The following GREM2 variants were observed in gnomAD, a reference collection of about 807,000 sequenced individuals.
The protein encoded by GREM2 is gremlin 2, DAN family BMP antagonist, also known as gremlin-2.
In GREM2, 11 loss-of-function variants were observed where a neutral mutation model predicts 14.2. The ratio of observed to expected loss-of-function variants is 0.78; its 90% CI spans 0.49 to 1.28. The LOEUF (loss-of-function observed/expected upper bound fraction) is 1.28. Among genes scored for constraint, GREM2 ranks in the 50% most tolerant of loss-of-function variants. GREM2 has a pLI of 0.00. For synonymous variants in GREM2, 98 were observed against 97.6 expected (o/e 1.00, Z -0.02); for missense variants, 210 against 218.5 (o/e 0.96, Z 0.24).
Position 240,594,694 on chromosome 1 carries a change from A to G in GREM2, c.-2+17190T>C, listed in dbSNP as rs370222583. 2.6e-5 allele frequency among the ~76,000 whole-genome samples: 4 copies of G among 152,006 alleles called. No homozygotes were observed. In the South Asian group the frequency reaches 8.3e-4, roughly 32 times the overall value. ...AAGCAAAAACTAAGTTCAGAGTCAAATATATATATTTATACATGAATATTT... is the reference window on the plus strand; with the variant it reads ...AAGCAAAAACTAAGTTCAGAGTCAAGTATATATATTTATACATGAATATTT... On this transcript the variant is annotated intron_variant, in intron 1 of 1. Coordinates refer to ENST00000318160, the MANE Select transcript of GREM2 (RefSeq NM_022469.4).
intron 1 of GREM2, among the ~76,000 whole-genome samples, chr1:240,566,868 A>G (rs1353086958): frequency 1.3e-5 from 2 of 152,190 alleles, no homozygotes; most frequent in African/African-American, 2.4e-5. Context: ...AAAACCCAGG[A>G]AAGTATGAAC....
chr1:240,542,530 G>A lies in GREM2; in HGVS notation c.-1-49054C>T, dbSNP rs1019567553. On this transcript the variant is annotated intron_variant, in intron 1 of 1. Transcript: ENST00000318160. This position sits in a 1 kb window ranked among gnomAD's most constrained non-coding sequence, Gnocchi z 4.1. Reference sequence around the variant, plus strand: ...CTCGGGAGGCTGAGGCAGGAGAATCGCTTGAACCCAGGAGGCGGAGGTTGC... The same window carrying A: ...CTCGGGAGGCTGAGGCAGGAGAATCACTTGAACCCAGGAGGCGGAGGTTGC... Among the ~76,000 whole-genome samples the A allele has an allele frequency of 5.3e-5, 8 of 151,694 alleles. No individual in the cohort carries two copies. The highest frequency in any genetic ancestry group is 2.0e-4 in the Admixed American group (3 of 15,206).
chr1:240,592,635 G>A (rs1679734453), intron 1 of GREM2, among the ~76,000 whole-genome samples: 1 of 152,182 alleles, frequency 6.6e-6, no homozygotes, highest in Non-Finnish European at 1.5e-5. Context: ...ATGTATTTAT[G>A]TGCCTCAAGA....
intron 1 of GREM2, among the ~76,000 whole-genome samples, chr1:240,593,743 C>A (rs544505438): frequency 1.3e-5 from 2 of 151,984 alleles, no homozygotes; most frequent in African/African-American, 2.4e-5. Context: ...AATGAATAGG[C>A]GTGATTGTTC....
At chr1:240,541,709 G>A (rs1429171515) in intron 1 of GREM2, among the ~76,000 whole-genome samples, 2 of 151,486 alleles carry the variant, frequency 1.3e-5, no homozygotes, top group Non-Finnish European at 1.5e-5. Flanking sequence ...TTTGAAGTAA[G>A]TATACTGATG....
chr1:240,593,675 G>A (rs919738802), intron 1 of GREM2, among the ~76,000 whole-genome samples: 18 of 152,134 alleles, frequency 1.2e-4, no homozygotes, highest in Admixed American at 2.6e-4. Flanking sequence ...GCTTCATGGC[G>A]GAATCCTTCA....
Position 240,610,570 on chromosome 1 carries a change from C to A in GREM2, c.-2+1314G>T, listed in dbSNP as rs1191507306. ...CCACTGTGATATACAACACAAATAC[C>A]TTTCTTATAACTTTCTTATCTTCCT... On this transcript the variant is annotated intron_variant, in intron 1 of 1. Transcript: ENST00000318160. Among the ~76,000 whole-genome samples the A allele has an allele frequency of 3.9e-5, 6 of 152,138 alleles. 1 individual carries two copies. The South Asian group carries it at 1.2e-3, about 32-fold the overall frequency.
chr1:240,578,189 A>G (rs1176433208), intron 1 of GREM2, among the ~76,000 whole-genome samples: 1 of 152,052 alleles, frequency 6.6e-6, no homozygotes, highest in African/African-American at 2.4e-5. Flanking sequence ...ACAGTGGTGC[A>G]ATCTCGGCTC....
At chr1:240,599,351 T>C (rs1390940182) in intron 1 of GREM2, among the ~76,000 whole-genome samples, 1 of 151,922 alleles carries the variant, frequency 6.6e-6, no homozygotes, top group Non-Finnish European at 1.5e-5. Flanking sequence ...GGTGGCTGCC[T>C]GGTTCTGTGC....
chr1:240,519,847 G>C (rs899792778), intron 1 of GREM2, among the ~76,000 whole-genome samples: 2 of 152,184 alleles, frequency 1.3e-5, no homozygotes, highest in African/African-American at 2.4e-5. Context: ...TTGGGAGGCC[G>C]AGGTGGATGG....
At chr1:240,575,901 GA>G (rs200904291) in intron 1 of GREM2, among the ~76,000 whole-genome samples, 6,153 of 130,364 alleles carry the variant, frequency 0.047, 367 homozygotes, top group African/African-American at 0.15. Flanking sequence ...TGCTCTGCTG[GA>G]AAAAAAAAAA....
chr1:240,593,445 G>A (rs200399195), intron 1 of GREM2, among the ~76,000 whole-genome samples: 1 of 152,340 alleles, frequency 6.6e-6, no homozygotes, highest in South Asian at 2.1e-4. Context: ...ACCAGTGGAA[G>A]ACCAACATAT....
At chr1:240,510,369 CAAAAAAAAAAAAAAA>C (rs71170753) in intron 1 of GREM2, among the ~76,000 whole-genome samples, 2 of 59,554 alleles carry the variant, frequency 3.4e-5, no homozygotes, top group Admixed American at 2.9e-4. Flanking sequence ...GACTCCGTCG[CAAAAAAAAAAAAAAA>C]AAAAAAAAAA....
chr1:240,557,087 T>C (rs574183404), intron 1 of GREM2, among the ~76,000 whole-genome samples: 1 of 151,894 alleles, frequency 6.6e-6, no homozygotes, highest in Admixed American at 6.6e-5. Flanking sequence ...GGAGAATTGC[T>C]TGACCCCAGG....
intron 1 of GREM2, among the ~76,000 whole-genome samples, chr1:240,584,994 GA>G (rs1389527069): frequency 4.0e-5 from 6 of 151,882 alleles, no homozygotes; most frequent in African/African-American, 9.7e-5. Flanking sequence ...ATTTGAGGGG[GA>G]AAAAAAGTAG....
chr1:240,584,420 A>G (rs1312155013), intron 1 of GREM2, among the ~76,000 whole-genome samples: 2 of 149,668 alleles, frequency 1.3e-5, no homozygotes, highest in East Asian at 2.0e-4. Context: ...GTTTTAACCC[A>G]GGAGGTGGAG....
intron 1 of GREM2, among the ~76,000 whole-genome samples, chr1:240,547,554 TAGAC>T (rs200293458): frequency 0.01 from 1,456 of 144,784 alleles, 22 homozygotes; most frequent in African/African-American, 0.024. Context: ...GATAGATAGA[TAGAC>T]AGATAGATAT....
intron 1 of GREM2, among the ~76,000 whole-genome samples, chr1:240,500,760 A>C (rs1677553747): frequency 6.6e-6 from 1 of 152,194 alleles, no homozygotes; most frequent in African/African-American, 2.4e-5. Context: ...CTTATGGAGG[A>C]ACAGTTTTTT....
chr1:240,547,626 C>A (rs953388219), intron 1 of GREM2, among the ~76,000 whole-genome samples: 10 of 151,010 alleles, frequency 6.6e-5, no homozygotes, highest in East Asian at 2.0e-4. Flanking sequence ...AGAGGAGATT[C>A]AAACTTTTAA....
Sources: gnomAD v4.1 joint callset for allele counts (sites outside exome capture counted in the v4.1 genomes callset) on GRCh38, gnomAD v4.1.1 for gene constraint, Gnocchi (gnomAD v3.1) non-coding constraint, MANE v1.5 for transcripts, NCBI Gene and HGNC (gene_info 2026-07-23, HGNC 2026-07-21) for gene names.